The following CFAP206 variants were observed in gnomAD, a reference collection of about 807,000 sequenced individuals.
The protein encoded by CFAP206 is cilia and flagella associated protein 206.
In CFAP206, 53 loss-of-function variants were observed where a neutral mutation model predicts 65.4. The observed-to-expected ratio is 0.81, with a 90% CI of 0.65 to 1.02. The LOEUF is 1.02. Ranked by LOEUF, CFAP206 falls within the 50% of genes least tolerant of loss-of-function variation. The probability of loss-of-function intolerance (pLI) is 0.00; values close to 1 mark genes in which losing one functional copy is unlikely to be tolerated. For missense variants in CFAP206, 663 were observed against 753.2 expected (o/e 0.88, Z 1.40); for synonymous variants, 250 against 254.4 (o/e 0.98, Z 0.17).
chr6:87,447,778 G>A (rs1183013002), intron 11 of CFAP206, among the ~76,000 whole-genome samples: 2 of 152,022 alleles, frequency 1.3e-5, no homozygotes, highest in Non-Finnish European at 2.9e-5. Context: ...TGTACCTCTG[G>A]TAGAATTCAG....
intron 10 of CFAP206, 45 bp from the exon 11 acceptor site, chr6:87,434,815 T>C: frequency 9.2e-7 from 1 of 1,082,486 alleles, no homozygotes. Context: ...CAATATTTCA[T>C]AAGTGATCAA....
intron 11 of CFAP206, chr6:87,436,084 CTTTTTTTTTTTTTT>C (rs561462279): frequency 1.6e-5 from 2 of 124,114 alleles, no homozygotes; most frequent in African/African-American, 6.1e-5. Context: ...CTGTTGTTTC[CTTTTTTTTTTTTTT>C]TTTTTTTAAC....
At position 87,431,238 on chromosome 6, in the gene CFAP206, T is replaced by C. The variant is rs1226673311; in HGVS notation, c.1300+65T>C. ...TTTTTCTTTATATGGAGTTCTGTCA[T>C]TGTCACTTGAATATTCACTTTAAAA... On this transcript the variant is annotated intron_variant, in intron 10 of 12. Coordinates refer to ENST00000369562, the MANE Select transcript of CFAP206 (RefSeq NM_001031743.3). 3 of 1,440,244 alleles carry C rather than the reference T, an allele frequency of 2.1e-6. No individual in the cohort carries two copies. In the African/African-American group the frequency reaches 4.3e-5, roughly 20 times the overall value. The allele number at this position is 1,440,244 out of a possible 1,614,324, so 89.2% of individuals were successfully genotyped here.
chr6:87,430,012 C>G (rs1263878434), intron 9 of CFAP206, among the ~76,000 whole-genome samples: 2 of 152,160 alleles, frequency 1.3e-5, no homozygotes, highest in Non-Finnish European at 2.9e-5. Context: ...AGACTGTTTA[C>G]CTGCAACTTC....
intron 11 of CFAP206, among the ~76,000 whole-genome samples, chr6:87,452,081 A>G (rs1272614915): frequency 6.6e-6 from 1 of 152,190 alleles, no homozygotes; most frequent in African/African-American, 2.4e-5. Flanking sequence ...GGGTGCTTGC[A>G]TCACCTCTCC....
chr6:87,425,228 A>C (rs1768018478), intron 7 of CFAP206, among the ~76,000 whole-genome samples: 1 of 152,214 alleles, frequency 6.6e-6, no homozygotes, highest in Non-Finnish European at 1.5e-5. Flanking sequence ...TATAAGAAGA[A>C]AAGAATATTA....
rs989452347 is a variant in CFAP206, at chr6:87,408,096, C to T, written c.-6+7C>T. 4.1e-6 allele frequency: 4 copies of T among 984,618 alleles called. No individual in the cohort carries two copies. The African/African-American group carries it at 7.0e-5, about 17-fold the overall frequency. The allele number at this position is 984,618 out of a possible 1,614,324, so 61.0% of individuals were successfully genotyped here. Reference sequence around the variant, plus strand: ...GCTGTCGATTCCGATCCAGGTCAGCCTACTCGGGGCTCCGCGCCCTTGACC... The same window carrying T: ...GCTGTCGATTCCGATCCAGGTCAGCTTACTCGGGGCTCCGCGCCCTTGACC... On this transcript the variant is annotated splice_region_variant and intron_variant, in intron 1 of 12. Transcript: ENST00000369562.
At chr6:87,423,368 C>T (rs2127949980) in intron 7 of CFAP206, among the ~76,000 whole-genome samples, 1 of 152,040 alleles carries the variant, frequency 6.6e-6, no homozygotes, top group East Asian at 1.9e-4. Flanking sequence ...CCTGCCTCAG[C>T]CTCTCGAGTA....
intron 11 of CFAP206, among the ~76,000 whole-genome samples, chr6:87,458,533 A>G (rs1368539942): frequency 2.0e-5 from 3 of 152,120 alleles, no homozygotes; most frequent in Non-Finnish European, 2.9e-5. Flanking sequence ...GAACTGGAGA[A>G]TATTATTTTC....
chr6:87,420,223 A>T lies in CFAP206; in HGVS notation c.840+1807A>T, dbSNP rs139029724. ...TTGTAATCAATTTATTTTGAAGTGC[A>T]TGTGAGTCCACAGGAGTAGAACTTC... On this transcript the variant is annotated intron_variant, in intron 7 of 12. Coordinates refer to ENST00000369562, the MANE Select transcript of CFAP206 (RefSeq NM_001031743.3). Among the ~76,000 whole-genome samples, 769 of 152,348 alleles carry T rather than the reference A, an allele frequency of 5.0e-3. 6 individuals carry two copies. The highest frequency in any genetic ancestry group is 0.018 in the African/African-American group (733 of 41,578).
rs377217910 is a variant in CFAP206 at position 87,435,035 on chromosome 6, A to G, written c.1476A>G (p.Thr492=). The change falls in exon 11 of 13, where the codon ACA becomes ACG. Residue 492 remains threonine, a synonymous_variant. Coordinates refer to ENST00000369562, the MANE Select transcript of CFAP206 (RefSeq NM_001031743.3). The part of the protein sequence containing the change: ...QLLELHQQFE[T]FIPYSQMRDA... ...TGGAACTTCATCAACAGTTTGAAAC[A>G]TTTATTCCATATTCTCAGGTAAGCA... The G allele has an allele frequency of 2.5e-6, 4 of 1,598,120 alleles. No individual in the cohort carries two copies. Among genetic ancestry groups the G allele is most frequent in the Non-Finnish European group, 2.6e-6 (3 of 1,173,158 alleles).
intron 7 of CFAP206, among the ~76,000 whole-genome samples, chr6:87,423,421 T>A (rs1767983602): frequency 6.6e-6 from 1 of 151,602 alleles, no homozygotes. Flanking sequence ...GCTAATTTTT[T>A]GTACTCTTAG....
At chr6:87,461,212 A>G in intron 12 of CFAP206, 47 bp downstream of exon 12, 1 of 1,340,730 alleles carries the variant, frequency 7.5e-7, no homozygotes. Flanking sequence ...GGGGAATTTT[A>G]ATCTATTGTT....
At chr6:87,410,506 A>G in intron 2 of CFAP206, 79 bp from the exon 3 acceptor site, 1 of 1,087,472 alleles carries the variant, frequency 9.2e-7, no homozygotes, top group Non-Finnish European at 1.4e-6. Flanking sequence ...AAATGGAAAC[A>G]TATTAAGCTA....
At chr6:87,444,872 C>G in intron 11 of CFAP206, 3 of 550,972 alleles carry the variant, frequency 5.4e-6, no homozygotes, top group South Asian at 4.1e-5. Context: ...TTCCCAGTGG[C>G]CCAGAAGTCT....
chr6:87,427,374 C>G (rs183759101), intron 8 of CFAP206, among the ~76,000 whole-genome samples: 1 of 152,114 alleles, frequency 6.6e-6, no homozygotes, highest in Admixed American at 6.5e-5. Context: ...CTCCTGACCT[C>G]GTGATCTGCC....
chr6:87,426,121 T>G (rs1768039323), intron 7 of CFAP206: 1 of 153,590 alleles, frequency 6.5e-6, no homozygotes, highest in African/African-American at 2.4e-5. Context: ...CTAACAGGTT[T>G]TTCTCAATGT....
At chr6:87,434,552 C>T (rs1478627193) in intron 10 of CFAP206, among the ~76,000 whole-genome samples, 1 of 147,776 alleles carries the variant, frequency 6.8e-6, no homozygotes, top group African/African-American at 2.5e-5. Flanking sequence ...GGCTAGAGTG[C>T]AATGGCACGA....
intron 11 of CFAP206, among the ~76,000 whole-genome samples, chr6:87,453,264 T>C (rs1768575949): frequency 6.6e-6 from 1 of 151,904 alleles, no homozygotes; most frequent in African/African-American, 2.4e-5. Context: ...GAAGGAAAAA[T>C]AAAGACTTTC....
Sources: gnomAD v4.1 joint callset for allele counts (sites outside exome capture counted in the v4.1 genomes callset) on GRCh38, gnomAD v4.1.1 for gene constraint, MANE v1.5 for transcripts, NCBI Gene and HGNC (gene_info 2026-07-23, HGNC 2026-07-21) for gene names.